The following XYLT1 variants were observed in gnomAD, a reference collection of about 807,000 sequenced individuals.
XYLT1 encodes the protein xylosyltransferase 1.
In XYLT1, 36 loss-of-function variants were observed where a neutral mutation model predicts 91.3. The observed-to-expected ratio is 0.39, with a 90% CI of 0.30 to 0.52. The LOEUF (loss-of-function observed/expected upper bound fraction) is 0.52. Ranked by LOEUF, XYLT1 falls within the 20% of genes least tolerant of loss-of-function variation. The probability of loss-of-function intolerance (pLI) is 0.68; values close to 1 mark genes in which losing one functional copy is unlikely to be tolerated. For synonymous variants in XYLT1, 588 were observed against 532.0 expected (o/e 1.11, Z -1.45); for missense variants, 1,242 against 1,284.5 (o/e 0.97, Z 0.51).
chr16:17,469,035 T>C (rs762127979), intron 1 of XYLT1, among the ~76,000 whole-genome samples: 42 of 152,124 alleles, frequency 2.8e-4, no homozygotes, highest in Non-Finnish European at 5.3e-4. Flanking sequence ...ACGCCACTAT[T>C]CTCCCCGCAA....
At chr16:17,465,865 T>C (rs1445608700) in intron 1 of XYLT1, among the ~76,000 whole-genome samples, 1 of 152,204 alleles carries the variant, frequency 6.6e-6, no homozygotes, top group Non-Finnish European at 1.5e-5. Context: ...TTGCTACATT[T>C]CATCCTCATA....
chr16:17,323,934 T>G (rs1423694813), intron 2 of XYLT1, among the ~76,000 whole-genome samples: 2 of 152,230 alleles, frequency 1.3e-5, no homozygotes, highest in African/African-American at 2.4e-5. Flanking sequence ...TATTCAGAGC[T>G]GGCCAACTTC....
At chr16:17,328,268 C>T (rs1014757811) in intron 2 of XYLT1, among the ~76,000 whole-genome samples, 4 of 151,856 alleles carry the variant, frequency 2.6e-5, no homozygotes, top group Non-Finnish European at 5.9e-5. Flanking sequence ...CATGATAGGC[C>T]GGGTGCAGTG....
At chr16:17,116,351 A>G (rs542416599) in intron 11 of XYLT1, among the ~76,000 whole-genome samples, 2 of 152,326 alleles carry the variant, frequency 1.3e-5, no homozygotes, top group East Asian at 3.9e-4. Flanking sequence ...TCATTTCCTA[A>G]CAGCTGCCTT....
At chr16:17,286,475 A>C (rs974071397) in intron 2 of XYLT1, among the ~76,000 whole-genome samples, 22 of 152,222 alleles carry the variant, frequency 1.4e-4, no homozygotes, top group African/African-American at 5.1e-4. Context: ...GTATCCACGG[A>C]TCTGCACTGT....
At chr16:17,263,968 A>G (rs2033763745) in intron 2 of XYLT1, among the ~76,000 whole-genome samples, 1 of 152,092 alleles carries the variant, frequency 6.6e-6, no homozygotes, top group Admixed American at 6.6e-5. Context: ...ATCAACCTCC[A>G]AAAGTGCTGG....
intron 5 of XYLT1, among the ~76,000 whole-genome samples, chr16:17,172,205 TC>T (rs1466945818): frequency 6.6e-6 from 1 of 152,058 alleles, no homozygotes; most frequent in African/African-American, 2.4e-5. Context: ...CCCTCCTCTC[TC>T]CCTTTTTTTT....
Position 17,117,759 on chromosome 16 carries a change from G to A in XYLT1, c.2444C>T (p.Pro815Leu). The change falls in exon 11 of 12, where the codon CCC becomes CTC. Residue 815 changes from proline to leucine, a missense_variant. Pro to Leu is a moderately conservative substitution (Grantham distance 98). Coordinates refer to ENST00000261381, the MANE Select transcript of XYLT1 (RefSeq NM_022166.4). ...CACTGTCCAGACCCCAGGCCTCAGG[G>A]GCAAGTTCAAAGGGGGCTTGTAGTG... The part of the protein sequence containing the change: ...FTHYKPPLNL[P>L]LRPGVWTVKI... The A allele has an allele frequency of 6.2e-7, 1 of 1,614,230 alleles. No individual in the cohort carries two copies. Among genetic ancestry groups the A allele is most frequent in the Non-Finnish European group, 8.5e-7 (1 of 1,180,044 alleles).
chr16:17,391,658 T>C (rs568062473), intron 1 of XYLT1, among the ~76,000 whole-genome samples: 1 of 152,276 alleles, frequency 6.6e-6, no homozygotes, highest in African/African-American at 2.4e-5. Context: ...CCCAGGGTCC[T>C]TTCTTCTTCC....
intron 1 of XYLT1, among the ~76,000 whole-genome samples, chr16:17,429,484 CA>C (rs1347368822): frequency 6.6e-6 from 1 of 152,182 alleles, no homozygotes; most frequent in East Asian, 1.9e-4. Flanking sequence ...GAAATGGCTA[CA>C]TTAAGTTGTA....
intron 10 of XYLT1, among the ~76,000 whole-genome samples, chr16:17,124,957 A>G (rs1177017182): frequency 1.3e-5 from 2 of 152,118 alleles, no homozygotes; most frequent in Non-Finnish European, 2.9e-5. Flanking sequence ...ATTGTGTTCT[A>G]TTTAGGCTAT....
intron 5 of XYLT1, among the ~76,000 whole-genome samples, chr16:17,183,806 A>G (rs1321116627): frequency 6.6e-6 from 1 of 152,154 alleles, no homozygotes; most frequent in Non-Finnish European, 1.5e-5. Context: ...GGAGCAAGGG[A>G]GAGAAAATAC....
intron 5 of XYLT1, among the ~76,000 whole-genome samples, chr16:17,191,897 C>T (rs183421015): frequency 6.6e-6 from 1 of 152,316 alleles, no homozygotes; most frequent in Non-Finnish European, 1.5e-5. Context: ...AAAATGTCAA[C>T]ATGGTTTCCC....
At chr16:17,358,334 G>A (rs982296005) in intron 1 of XYLT1, among the ~76,000 whole-genome samples, 1 of 151,898 alleles carries the variant, frequency 6.6e-6, no homozygotes, top group Non-Finnish European at 1.5e-5. Flanking sequence ...ATGGGGTCTC[G>A]CTATGTTTCC....
At chr16:17,125,054 T>C (rs1315435957) in intron 10 of XYLT1, among the ~76,000 whole-genome samples, 2 of 152,228 alleles carry the variant, frequency 1.3e-5, no homozygotes, top group African/African-American at 4.8e-5. Context: ...TTAATTGGCT[T>C]AATAGTCGAA....
intron 2 of XYLT1, among the ~76,000 whole-genome samples, chr16:17,337,778 T>TC (rs914179780): frequency 1.5e-5 from 2 of 135,756 alleles, no homozygotes. Context: ...ATTTTTTCTT[T>TC]TTCTTTTTTT....
intron 1 of XYLT1, among the ~76,000 whole-genome samples, chr16:17,457,933 GA>G (rs1019145693): frequency 3.3e-5 from 5 of 151,684 alleles, no homozygotes; most frequent in South Asian, 2.1e-4. Flanking sequence ...AAAAGAAGAA[GA>G]AAAAAAAGAA....
chr16:17,261,382 A>C (rs2033720307), intron 2 of XYLT1, among the ~76,000 whole-genome samples: 1 of 152,090 alleles, frequency 6.6e-6, no homozygotes, highest in Admixed American at 6.6e-5. Context: ...TACTGCTATG[A>C]CTTTCATTTT....
At chr16:17,152,084 A>C (rs973860010) in intron 6 of XYLT1, among the ~76,000 whole-genome samples, 2 of 152,216 alleles carry the variant, frequency 1.3e-5, no homozygotes, top group African/African-American at 2.4e-5. Context: ...TTTTCTGATT[A>C]TAAAAGGAAT....
Sources: allele counts gnomAD v4.1 joint callset (sites outside exome capture counted in the v4.1 genomes callset), GRCh38; gene constraint gnomAD v4.1.1; transcripts MANE v1.5; gene names NCBI Gene and HGNC (gene_info 2026-07-23, HGNC 2026-07-21).